LHFPL3: variants seen among roughly 807,000 people sequenced by gnomAD.
The protein encoded by LHFPL3 is LHFPL tetraspan subfamily member 3 protein.
In LHFPL3, 5 loss-of-function variants were observed where a neutral mutation model predicts 19.3. The observed-to-expected ratio is 0.26, with a 90% CI of 0.14 to 0.54. The LOEUF (loss-of-function observed/expected upper bound fraction) is 0.54, where lower values mean the gene tolerates loss of function less well. LHFPL3 is among the 20% of genes least tolerant of loss of function. LHFPL3 has a pLI of 0.94. For synonymous variants in LHFPL3, 133 were observed against 126.2 expected (o/e 1.05, Z -0.36); for missense variants, 249 against 307.4 (o/e 0.81, Z 1.42).
chr7:104,410,413 A>G (rs1189381933), intron 1 of LHFPL3, among the ~76,000 whole-genome samples: 1 of 152,170 alleles, frequency 6.6e-6, no homozygotes, highest in Non-Finnish European at 1.5e-5. Flanking sequence ...GATTACAGGC[A>G]TGAGCCGCTG....
intron 2 of LHFPL3, among the ~76,000 whole-genome samples, chr7:104,851,345 T>TG (rs1791411654): frequency 6.6e-6 from 1 of 152,212 alleles, no homozygotes; most frequent in South Asian, 2.1e-4. Context: ...GCTGGTTGGC[T>TG]GGGCTCAACC....
At chr7:104,543,494 G>C (rs1378160848) in intron 1 of LHFPL3, among the ~76,000 whole-genome samples, 3 of 151,886 alleles carry the variant, frequency 2.0e-5, no homozygotes, top group Non-Finnish European at 4.4e-5. Flanking sequence ...ATTCAGAATA[G>C]CAAAGACTTG....
chr7:104,670,859 T>C (rs1333672548), intron 1 of LHFPL3, among the ~76,000 whole-genome samples: 1 of 142,038 alleles, frequency 7.0e-6, no homozygotes, highest in East Asian at 2.0e-4. Flanking sequence ...CCAATGTGTT[T>C]TGTTTTGTTT....
chr7:104,516,559 GA>G (rs1329253359), intron 1 of LHFPL3, among the ~76,000 whole-genome samples: 1 of 152,028 alleles, frequency 6.6e-6, no homozygotes, highest in East Asian at 1.9e-4. Flanking sequence ...CAACATGACT[GA>G]TCATTAGGGA....
chr7:104,902,476 G>A (rs1792506846), intron 2 of LHFPL3, among the ~76,000 whole-genome samples: 2 of 151,692 alleles, frequency 1.3e-5, no homozygotes, highest in African/African-American at 2.4e-5. Context: ...CTTTAGGAAT[G>A]AAGGACTGAC....
At chr7:104,537,644 G>T (rs1794414714) in intron 1 of LHFPL3, among the ~76,000 whole-genome samples, 1 of 152,160 alleles carries the variant, frequency 6.6e-6, no homozygotes, top group African/African-American at 2.4e-5. Flanking sequence ...AATTCAAAAT[G>T]CATCTGTCAA....
At chr7:104,574,670 T>G (rs1790289485) in intron 1 of LHFPL3, among the ~76,000 whole-genome samples, 1 of 152,204 alleles carries the variant, frequency 6.6e-6, no homozygotes, top group Non-Finnish European at 1.5e-5. Context: ...TATACATTTT[T>G]GATAAATAGA....
chr7:104,433,451 AT>A (rs1272947944), intron 1 of LHFPL3, among the ~76,000 whole-genome samples: 4 of 152,144 alleles, frequency 2.6e-5, no homozygotes, highest in Non-Finnish European at 4.4e-5. Flanking sequence ...CCCAGCTAAA[AT>A]CACTGTAATG....
intron 1 of LHFPL3, among the ~76,000 whole-genome samples, chr7:104,585,188 C>T (rs1790542267): frequency 6.6e-6 from 1 of 151,994 alleles, no homozygotes; most frequent in African/African-American, 2.4e-5. Context: ...GCTGCATGGG[C>T]CTGTCACAGC....
chr7:104,894,940 A>C (rs752841790), intron 2 of LHFPL3: 1 of 152,126 alleles, frequency 6.6e-6, no homozygotes, highest in Non-Finnish European at 1.5e-5. Flanking sequence ...CTTACACTTG[A>C]GTGTACATGA....
At chr7:104,654,910 G>A (rs971513668) in intron 1 of LHFPL3, among the ~76,000 whole-genome samples, 2 of 152,096 alleles carry the variant, frequency 1.3e-5, no homozygotes, top group African/African-American at 4.8e-5. Flanking sequence ...AGGTACATGT[G>A]TTCATACTCG....
chr7:104,786,283 G>C (rs1444476123), intron 2 of LHFPL3, among the ~76,000 whole-genome samples: 1 of 152,154 alleles, frequency 6.6e-6, no homozygotes, highest in Non-Finnish European at 1.5e-5. Flanking sequence ...GGAGTCTGTG[G>C]CAATATTTAG....
At chr7:104,422,297 G>C (rs1312353827) in intron 1 of LHFPL3, among the ~76,000 whole-genome samples, 1 of 152,148 alleles carries the variant, frequency 6.6e-6, no homozygotes, top group African/African-American at 2.4e-5. Flanking sequence ...GGAGGTGGAG[G>C]TTGCAGTGAG....
At chr7:104,800,482 C>T (rs115955673) in intron 2 of LHFPL3, among the ~76,000 whole-genome samples, 2 of 152,178 alleles carry the variant, frequency 1.3e-5, no homozygotes, top group Non-Finnish European at 2.9e-5. Context: ...TTAAACTTAT[C>T]CATTCCCATT....
At chr7:104,783,974 C>A (rs565216707) in intron 2 of LHFPL3, among the ~76,000 whole-genome samples, 1 of 152,298 alleles carries the variant, frequency 6.6e-6, no homozygotes, top group South Asian at 2.1e-4. Context: ...TAATTCTGCA[C>A]AATAACAGCA....
chr7:104,861,100 T>C (rs960647188), intron 2 of LHFPL3, among the ~76,000 whole-genome samples: 3 of 152,224 alleles, frequency 2.0e-5, no homozygotes, highest in Admixed American at 1.3e-4. Flanking sequence ...TTGTTGTTGA[T>C]AAAGGTTTCT....
rs191618403 is a variant in LHFPL3, at chr7:104,647,205, G to C, written c.446-89470G>C. On this transcript the variant is annotated intron_variant, in intron 1 of 2. Coordinates refer to ENST00000424859, the MANE Select transcript of LHFPL3 (RefSeq NM_199000.3). Reference sequence around the variant, plus strand: ...TGTTGACCTAAGTTTTTCAAGAAGAGGAAATTTCTCTGTCTGGACCAACTC... The same window carrying C: ...TGTTGACCTAAGTTTTTCAAGAAGACGAAATTTCTCTGTCTGGACCAACTC... Among the ~76,000 whole-genome samples the C allele has an allele frequency of 2.4e-3, 367 of 152,306 alleles. 1 individual carries two copies. Among genetic ancestry groups the C allele is most frequent in the Non-Finnish European group, 4.4e-3 (297 of 68,020 alleles).
At chr7:104,672,731 G>C (rs1320380350) in intron 1 of LHFPL3, among the ~76,000 whole-genome samples, 1 of 152,086 alleles carries the variant, frequency 6.6e-6, no homozygotes, top group Non-Finnish European at 1.5e-5. Context: ...GGCATTTGTG[G>C]ACTCAGGAGT....
At chr7:104,341,587 G>T (rs1789953905) in intron 1 of LHFPL3, among the ~76,000 whole-genome samples, 1 of 152,206 alleles carries the variant, frequency 6.6e-6, no homozygotes, top group Non-Finnish European at 1.5e-5. Context: ...GAGCATCACT[G>T]AGCCATCCTG....
Sources: allele counts gnomAD v4.1 joint callset (sites outside exome capture counted in the v4.1 genomes callset), GRCh38; gene constraint gnomAD v4.1.1; transcripts MANE v1.5; gene names NCBI Gene and HGNC (gene_info 2026-07-23, HGNC 2026-07-21).